RNF10: variants seen among roughly 807,000 people sequenced by gnomAD.
RNF10 encodes the protein ring finger protein 10.
Under a neutral mutation model 91.4 loss-of-function variants are expected in RNF10, and 38 were observed. That is an observed-to-expected ratio of 0.42 (90% CI 0.32 to 0.54). The LOEUF is 0.54. RNF10 is among the 20% of genes least tolerant of loss of function. The pLI is 0.16. For synonymous variants in RNF10, 364 were observed against 366.3 expected, an observed-to-expected ratio of 0.99 and a Z score of 0.07; for missense variants, 945 against 1,012.0, an observed-to-expected ratio of 0.93 and a Z score of 0.90.
chr12:120,557,171 A>T, intron 4 of RNF10, 111 bp from the exon 5 acceptor site: 1 of 871,694 alleles, frequency 1.1e-6, no homozygotes, highest in Non-Finnish European at 1.9e-6. Context: ...ATAAGGATGT[A>T]CGGGGATAGA....
chr12:120,567,861 GT>G (rs745922320), intron 13 of RNF10, among the ~76,000 whole-genome samples: 40,769 of 144,084 alleles, frequency 0.28, 6,601 homozygotes, highest in Admixed American at 0.4. Context: ...TTCATTATGG[GT>G]GTGTGTGTGT....
At chr12:120,535,109 T>A in intron 1 of RNF10, 141 bp downstream of exon 1, 1 of 942,328 alleles carries the variant, frequency 1.1e-6, no homozygotes, top group Non-Finnish European at 1.5e-6. Flanking sequence ...TGGCTCTCAT[T>A]TGCAGTTACA....
chr12:120,553,188 A>AT lies in RNF10; in HGVS notation c.554+497dup, dbSNP rs563897287. ...AACCTCTGCCTCCCGGGTTTAAGTG[A>AT]TTTTTTTGCCTCAGCCTCCCGAATA... On this transcript the variant is annotated intron_variant, in intron 3 of 16. Coordinates refer to ENST00000325954, the MANE Select transcript of RNF10 (RefSeq NM_014868.5). Among the ~76,000 whole-genome samples, 45 of 145,722 alleles carry AT rather than the reference A, an allele frequency of 3.1e-4. 1 individual carries two copies. The East Asian group carries it at 4.8e-3, about 16-fold the overall frequency.
chr12:120,564,025 C>T, intron 10 of RNF10, 82 bp downstream of exon 10: 1 of 1,509,178 alleles, frequency 6.6e-7, no homozygotes, highest in East Asian at 2.3e-5. Flanking sequence ...ATCCTAAGTT[C>T]ACAAACCTTC....
In RNF10 at chr12:120,571,304, C is replaced by T. The variant is rs1382250723; in HGVS notation, c.2142+13C>T. 1 of 1,578,614 alleles carries T rather than the reference C, an allele frequency of 6.3e-7. No individual in the cohort carries two copies. The highest frequency in any genetic ancestry group is 1.3e-5 in the African/African-American group (1 of 74,164). ...TTCCTTTGCCCAGGTAAATCCTTTG[C>T]TTGTGAAGCAGCCCAGGGGTATTTA... is the stretch of plus-strand genomic sequence containing the variant. On this transcript the variant is annotated intron_variant, in intron 14 of 16. Transcript: ENST00000325954.
At chr12:120,567,335 C>CAAAAA (rs11373766) in intron 13 of RNF10, among the ~76,000 whole-genome samples, 2 of 143,950 alleles carry the variant, frequency 1.4e-5, no homozygotes, top group Non-Finnish European at 3.0e-5. Flanking sequence ...TTTAATAGCT[C>CAAAAA]AAAAAAAAAA....
chr12:120,568,367 TA>T (rs1326305227), intron 13 of RNF10, among the ~76,000 whole-genome samples: 1 of 152,232 alleles, frequency 6.6e-6, no homozygotes, highest in African/African-American at 2.4e-5. Flanking sequence ...TTGTCTTATA[TA>T]TAAAGAATGT....
At chr12:120,555,666 A>AT (rs1227585645) in intron 4 of RNF10, among the ~76,000 whole-genome samples, 39 of 140,670 alleles carry the variant, frequency 2.8e-4, no homozygotes, top group East Asian at 2.5e-3. Context: ...TTTTTTTTGT[A>AT]TTTTTTTTTA....
rs533495815 is a variant in RNF10 at position 120,564,967 on chromosome 12, A to G, written c.1666-105A>G. ...ATTGAGCACTACTGTTTCCAGCCCC[A>G]GTGCTGGCTGTGTTATGTATATATT... On this transcript the variant is annotated intron_variant, in intron 10 of 16. Transcript: ENST00000325954. 365 of 739,136 alleles carry G rather than the reference A, an allele frequency of 4.9e-4. 3 individuals are homozygous for G. In the South Asian group the frequency reaches 5.6e-3, roughly 11 times the overall value. 45.8% of individuals were successfully genotyped at this position (739,136 alleles called of 1,614,324 possible).
At chr12:120,559,360 T>G (rs1054803721) in intron 6 of RNF10, among the ~76,000 whole-genome samples, 1 of 151,858 alleles carries the variant, frequency 6.6e-6, no homozygotes, top group Non-Finnish European at 1.5e-5. Flanking sequence ...TTTTGTTTTT[T>G]TTGTGTGTGT....
chr12:120,573,604 T>G (rs1191405655), intron 14 of RNF10, among the ~76,000 whole-genome samples: 1 of 152,114 alleles, frequency 6.6e-6, no homozygotes, highest in South Asian at 2.1e-4. Flanking sequence ...AAAAAAAGTT[T>G]ATTTGGCTCA....
intron 3 of RNF10, among the ~76,000 whole-genome samples, chr12:120,552,923 T>A (rs1473583610): frequency 6.6e-6 from 1 of 152,082 alleles, no homozygotes; most frequent in East Asian, 1.9e-4. Context: ...AGTATCATGA[T>A]AAGGTAGAAA....
chr12:120,549,505 C>A (rs1211030412), intron 2 of RNF10, among the ~76,000 whole-genome samples: 1 of 152,102 alleles, frequency 6.6e-6, no homozygotes, highest in East Asian at 1.9e-4. Flanking sequence ...GGTGATGGGG[C>A]CGGGCGCAGT....
Position 120,563,811 on chromosome 12 carries a change from G to A in RNF10, c.1533G>A (p.Ala511=). ...SSSPCYYFYQ[A]EDGQHMFLHP... Reference sequence around the variant, plus strand: ...TGTGATAGAGCCCCTTGTCCTCAGCGGAAGATGGACAGCATATGTTCCTGC... The same window carrying A: ...TGTGATAGAGCCCCTTGTCCTCAGCAGAAGATGGACAGCATATGTTCCTGC... Residue 511 remains alanine, a splice_region_variant and synonymous_variant, in exon 10 of 17, where the codon GCG becomes GCA. Transcript: ENST00000325954. 1.2e-6 allele frequency: 2 copies of A among 1,614,052 alleles called. No homozygotes were observed. The highest frequency in any genetic ancestry group is 1.7e-6 in the Non-Finnish European group (2 of 1,179,976).
intron 14 of RNF10, among the ~76,000 whole-genome samples, chr12:120,573,023 C>T (rs139040272): frequency 3.3e-5 from 5 of 149,992 alleles, no homozygotes; most frequent in South Asian, 2.1e-4. Flanking sequence ...GACCTAGATT[C>T]ACTAATTGTT....
chr12:120,566,161 G>C (rs1373597478), intron 12 of RNF10, among the ~76,000 whole-genome samples: 4 of 152,170 alleles, frequency 2.6e-5, no homozygotes, highest in Non-Finnish European at 5.9e-5. Context: ...TGGGACAAGT[G>C]TATACTTGGG....
intron 1 of RNF10, among the ~76,000 whole-genome samples, chr12:120,544,169 G>A (rs573307610): frequency 4.4e-4 from 67 of 152,150 alleles, no homozygotes; most frequent in African/African-American, 1.5e-3. Flanking sequence ...AGAGGTTGCA[G>A]TGAGCCGAGA....
At chr12:120,534,996 G>A in intron 1 of RNF10, 28 bp downstream of exon 1, 1 of 1,568,888 alleles carries the variant, frequency 6.4e-7, no homozygotes, top group South Asian at 1.1e-5. Context: ...GCAGTGGGCG[G>A]GGGCGACTGC....
intron 4 of RNF10, among the ~76,000 whole-genome samples, chr12:120,556,354 G>A (rs1874007124): frequency 6.6e-6 from 1 of 150,912 alleles, no homozygotes; most frequent in Non-Finnish European, 1.5e-5. Context: ...CTAACACGGT[G>A]AAACCCCGTC....
Sources: gnomAD v4.1 joint callset for allele counts (sites outside exome capture counted in the v4.1 genomes callset) on GRCh38, gnomAD v4.1.1 for gene constraint, MANE v1.5 for transcripts, NCBI Gene and HGNC (gene_info 2026-07-23, HGNC 2026-07-21) for gene names.